The following PTPRU variants were observed in gnomAD, a reference collection of about 807,000 sequenced individuals.
PTPRU encodes the protein protein tyrosine phosphatase receptor type U.
Under a neutral mutation model 166.3 loss-of-function variants are expected in PTPRU, and 69 were observed. The ratio of observed to expected loss-of-function variants is 0.41; its 90% CI spans 0.34 to 0.51. PTPRU has a LOEUF of 0.51. Ranked by LOEUF, PTPRU falls within the 20% of genes least tolerant of loss-of-function variation. The pLI is 0.09. For missense variants in PTPRU, 1,657 were observed against 2,013.7 expected (o/e 0.82, Z 3.39); for synonymous variants, 793 against 814.0 (o/e 0.97, Z 0.44).
chr1:29,255,321 G>T lies in PTPRU; in HGVS notation c.120G>T (p.Glu40Asp), dbSNP rs1405003538. Residue 40 changes from glutamate (E) to aspartate (D), a missense_variant, in exon 2 of 30, where the codon GAG (glutamate) becomes GAT (aspartate). This residue lies in a region of PTPRU where 453 missense variants were observed against 496.9 expected (regional missense o/e 0.91). Coordinates refer to ENST00000373779, the MANE Select transcript of PTPRU (RefSeq NM_133178.4). ...EEASDPAVPCEYSQAQYDDFQ... is the reference protein window; with the variant it reads ...EEASDPAVPCDYSQAQYDDFQ... The stretch of plus-strand genomic sequence containing the variant: ...CAAGTGACCCAGCAGTGCCCTGCGA[G>T]TACAGCCAGGCCCAGTACGATGACT... The T allele has an allele frequency of 6.2e-7, 1 of 1,614,162 alleles. No individual in the cohort carries two copies. The highest frequency in any genetic ancestry group is 1.1e-5 in the South Asian group (1 of 91,084).
chr1:29,258,625 G>A lies in PTPRU; in HGVS notation c.326G>A (p.Arg109Gln), dbSNP rs746575215. Residue 109 changes from arginine (R) to glutamine (Q), a missense_variant, in exon 3 of 30, where the codon CGG becomes CAG. Arg to Gln is a conservative substitution (Grantham distance 43). Around this residue, in one of 3 missense-constraint regions of PTPRU, gnomAD observed 453 missense variants for 496.9 expected, o/e 0.91. Coordinates refer to ENST00000373779, the MANE Select transcript of PTPRU (RefSeq NM_133178.4). ...CAGTTCAGCTACTTCCTGTACAGCC[G>A]GGACGGGCACAGCCCGGGCACCCTG... The part of the protein sequence containing the change: ...CVQFSYFLYS[R>Q]DGHSPGTLGV... 26 of 1,614,126 alleles carry A rather than the reference G, an allele frequency of 1.6e-5. No individual in the cohort carries two copies. The South Asian group carries it at 2.3e-4, about 14-fold the overall frequency.
In PTPRU at chr1:29,316,127, C is replaced by T. The variant is rs1272846171; in HGVS notation, c.3489C>T (p.Ser1163=). Residue 1163 remains serine, a synonymous_variant, in exon 24 of 30, where the codon TCC becomes TCT. Coordinates refer to ENST00000373779, the MANE Select transcript of PTPRU (RefSeq NM_133178.4). ...EMIRIDPQSN[S]SQLREEFQTL... ...TCCGCATTGATCCTCAGAGTAATTC[C>T]TCCCAGCTGCGGGAAGAGTTCCAGG... 3 of 1,614,168 alleles carry T rather than the reference C, an allele frequency of 1.9e-6. 1 individual carries two copies. Among genetic ancestry groups the T allele is most frequent in the South Asian group, 2.2e-5 (2 of 91,080 alleles).
intron 1 of PTPRU, among the ~76,000 whole-genome samples, chr1:29,244,247 A>T (rs1004793313): frequency 1.3e-5 from 2 of 152,056 alleles, no homozygotes; most frequent in African/African-American, 4.8e-5. Context: ...ACACTGTCAG[A>T]TGTCCACTGT....
At chr1:29,313,887 G>A (rs1381268434) in intron 22 of PTPRU, among the ~76,000 whole-genome samples, 2 of 152,078 alleles carry the variant, frequency 1.3e-5, no homozygotes, top group Admixed American at 1.3e-4. Flanking sequence ...GTTAAGAAAG[G>A]AGCAGAACAT....
chr1:29,293,243 CTT>C (rs1346053252), intron 15 of PTPRU, among the ~76,000 whole-genome samples: 1 of 152,058 alleles, frequency 6.6e-6, no homozygotes, highest in Non-Finnish European at 1.5e-5. Flanking sequence ...CTCCCAGAGT[CTT>C]GGGATTACAG....
At chr1:29,302,883 A>C (rs936565486) in intron 15 of PTPRU, among the ~76,000 whole-genome samples, 5 of 152,048 alleles carry the variant, frequency 3.3e-5, no homozygotes, top group African/African-American at 7.2e-5. Flanking sequence ...TTTAGTGTGC[A>C]TTTTCTATGT....
chr1:29,324,997 T>C lies in PTPRU; in HGVS notation c.4113-194T>C, dbSNP rs547485883. Among the ~76,000 whole-genome samples, 50 of 151,572 alleles carry C rather than the reference T, an allele frequency of 3.3e-4. No homozygotes were observed. In the East Asian group the frequency reaches 5.2e-3, roughly 16 times the overall value. On this transcript the variant is annotated intron_variant, in intron 28 of 29. Coordinates refer to ENST00000373779, the MANE Select transcript of PTPRU (RefSeq NM_133178.4). ...GTTCCCTAGCTCCGCCCCTCTCCTCTAGGCTCTCGGGCCCCTCCTTTCTGT... is the reference window on the plus strand; with the variant it reads ...GTTCCCTAGCTCCGCCCCTCTCCTCCAGGCTCTCGGGCCCCTCCTTTCTGT...
At position 29,317,200 on chromosome 1, in the gene PTPRU, C is replaced by T. The variant is rs1687937643; in HGVS notation, c.3514-548C>T. On this transcript the variant is annotated intron_variant, in intron 24 of 29. Coordinates refer to ENST00000373779, the MANE Select transcript of PTPRU (RefSeq NM_133178.4). This position sits in a 1 kb window ranked among gnomAD's most constrained non-coding sequence, Gnocchi z 5.6. ...TGAAGGCATGCGGGCGGAGGAGATG[C>T]CCCGGAGATCCAGGTGTGATTCAGT... Among the ~76,000 whole-genome samples, 1 of 152,138 alleles carries T rather than the reference C, an allele frequency of 6.6e-6. No individual in the cohort carries two copies. Among genetic ancestry groups the T allele is most frequent in the African/African-American group, 2.4e-5 (1 of 41,442 alleles).
intron 27 of PTPRU, 32 bp from the exon 28 acceptor site, chr1:29,323,599 T>C: frequency 1.2e-6 from 2 of 1,613,228 alleles, no homozygotes; most frequent in South Asian, 1.1e-5. Context: ...CTGGTGCTCA[T>C]GTCCTCCCTG....
intron 7 of PTPRU, among the ~76,000 whole-genome samples, chr1:29,263,025 G>A (rs569522075): frequency 1.4e-4 from 22 of 151,820 alleles, no homozygotes; most frequent in African/African-American, 5.1e-4. Context: ...TCACTCTGTC[G>A]CCAGGCTGGA....
intron 11 of PTPRU, among the ~76,000 whole-genome samples, chr1:29,281,681 G>C (rs1006405084): frequency 6.6e-6 from 1 of 152,190 alleles, no homozygotes; most frequent in Non-Finnish European, 1.5e-5. Flanking sequence ...GGCTGAAAGG[G>C]GCTTGGACTG....
intron 7 of PTPRU, among the ~76,000 whole-genome samples, chr1:29,273,831 A>G (rs1685682020): frequency 6.6e-6 from 1 of 152,018 alleles, no homozygotes; most frequent in African/African-American, 2.4e-5. Flanking sequence ...GTGAATTCCT[A>G]TTGGGGAGGT....
chr1:29,294,333 C>T (rs372987104), intron 15 of PTPRU, among the ~76,000 whole-genome samples: 24 of 152,194 alleles, frequency 1.6e-4, no homozygotes, highest in African/African-American at 9.7e-5. Context: ...TGAAGTTGAA[C>T]GTATTTTCAA....
At position 29,311,668 on chromosome 1, in the gene PTPRU, A is replaced by G. The variant is rs1466300449; in HGVS notation, c.2981A>G (p.Glu994Gly). The G allele has an allele frequency of 6.2e-7, 1 of 1,614,196 alleles. No homozygotes were observed. Among genetic ancestry groups the G allele is most frequent in the Non-Finnish European group, 8.5e-7 (1 of 1,180,016 alleles). Reference sequence around the variant, plus strand: ...GTGAAATGCTCACGGTACTGGCCGGAGGACTCAGACACCTACGGGGACATC... The same window carrying G: ...GTGAAATGCTCACGGTACTGGCCGGGGGACTCAGACACCTACGGGGACATC... ...GRVKCSRYWP[E>G]DSDTYGDIKI... Residue 994 changes from glutamate (E) to glycine (G), a missense_variant, in exon 21 of 30, where the codon GAG becomes GGG. By Grantham distance (98) the Glu-to-Gly change is moderately conservative (BLOSUM62 -2). Transcript: ENST00000373779. This position sits in a 1 kb window ranked among gnomAD's most constrained non-coding sequence, Gnocchi z 4.1.
In PTPRU at chr1:29,260,018, C is replaced by T; in HGVS notation, c.824C>T (p.Ser275Phe). 1 of 1,478,886 alleles carries T rather than the reference C, an allele frequency of 6.8e-7. No homozygotes were observed. 91.6% of individuals were successfully genotyped at this position (1,478,886 alleles called of 1,614,324 possible). Residue 275 changes from serine to phenylalanine, a missense_variant, in exon 6 of 30, where the codon TCT becomes TTT. Transcript: ENST00000373779. This position sits in a 1 kb window ranked among gnomAD's most constrained non-coding sequence, Gnocchi z 8.3. Reference protein sequence around the residue: ...VSQAPRGAGVSNFAELIVKEP... With the variant: ...VSQAPRGAGVFNFAELIVKEP... ...CAGGCCCCGCGCGGCGCGGGCGTCT[C>T]TAACTTCGCGGAGCTCATCGTCAAG...
At chr1:29,251,062 G>A (rs925270023) in intron 1 of PTPRU, among the ~76,000 whole-genome samples, 3 of 152,208 alleles carry the variant, frequency 2.0e-5, no homozygotes, top group Admixed American at 6.5e-5. Context: ...GACCAGCCTG[G>A]CCAGCATGGT....
At chr1:29,288,534 C>T (rs1200779676) in intron 14 of PTPRU, among the ~76,000 whole-genome samples, 2 of 152,198 alleles carry the variant, frequency 1.3e-5, no homozygotes, top group East Asian at 3.9e-4. Flanking sequence ...GCCTCTGCAA[C>T]AGCCCCAGCG....
chr1:29,283,434 A>G (rs1686194201), intron 12 of PTPRU, among the ~76,000 whole-genome samples: 2 of 146,746 alleles, frequency 1.4e-5, no homozygotes. Context: ...CCTCCTTTCT[A>G]TCCAGGTCCC....
intron 1 of PTPRU, among the ~76,000 whole-genome samples, chr1:29,251,660 G>A (rs1439111804): frequency 2.0e-5 from 3 of 152,208 alleles, no homozygotes; most frequent in Admixed American, 6.5e-5. Flanking sequence ...AGTCCTGGCC[G>A]TTCGTGTGGC....
Sources: gnomAD v4.1 joint callset for allele counts (sites outside exome capture counted in the v4.1 genomes callset) on GRCh38, gnomAD v4.1.1 for gene constraint, gnomAD v4.1.1 regional missense constraint, Gnocchi (gnomAD v3.1) non-coding constraint, MANE v1.5 for transcripts, NCBI Gene and HGNC (gene_info 2026-07-23, HGNC 2026-07-21) for gene names.